ANKS1B: variants seen among roughly 807,000 people sequenced by gnomAD.
The protein encoded by ANKS1B is ankyrin repeat and sterile alpha motif domain-containing protein 1B.
ANKS1B carries 36 observed loss-of-function variants against 148.3 expected under a neutral mutation model. The observed-to-expected ratio is 0.24, with a 90% CI of 0.19 to 0.32. The LOEUF is 0.32. Among genes scored for constraint, ANKS1B ranks in the 10% least tolerant of loss-of-function variants. The pLI is 1.00. For missense variants in ANKS1B, 1,157 were observed against 1,542.6 expected, an observed-to-expected ratio of 0.75 and a Z score of 4.19; for synonymous variants, 542 against 560.8, an observed-to-expected ratio of 0.97 and a Z score of 0.47.
chr12:99,868,838 A>G (rs1347795822), intron 1 of ANKS1B, among the ~76,000 whole-genome samples: 1 of 152,084 alleles, frequency 6.6e-6, no homozygotes, highest in Non-Finnish European at 1.5e-5. Context: ...CGGGCAGATC[A>G]TTTGAGATCA....
At chr12:99,453,848 C>G (rs1016383320) in intron 10 of ANKS1B, among the ~76,000 whole-genome samples, 1 of 152,038 alleles carries the variant, frequency 6.6e-6, no homozygotes, top group African/African-American at 2.4e-5. Context: ...AATATAATTA[C>G]AAAATTGTGT....
At position 98,916,262 on chromosome 12, in the gene ANKS1B, G is replaced by A. The variant is rs182463693; in HGVS notation, c.2779-84126C>T. ...CAGACAATTGGCTAAGATCAGTCAC[G>A]ATGATGTCACAGCGGAATATACAAA... On this transcript the variant is annotated intron_variant, in intron 17 of 26. Transcript: ENST00000683438. 2.0e-5 allele frequency among the ~76,000 whole-genome samples: 3 copies of A among 152,354 alleles called. No individual in the cohort carries two copies. In the East Asian group the frequency reaches 5.8e-4, roughly 29 times the overall value.
At chr12:99,808,879 CT>C (rs1470069673) in intron 3 of ANKS1B, among the ~76,000 whole-genome samples, 1 of 152,060 alleles carries the variant, frequency 6.6e-6, no homozygotes, top group East Asian at 1.9e-4. Flanking sequence ...GAAAAATTTT[CT>C]AGTAACACCA....
intron 12 of ANKS1B, among the ~76,000 whole-genome samples, chr12:99,382,892 G>T (rs1049537576): frequency 6.6e-6 from 1 of 152,150 alleles, no homozygotes; most frequent in African/African-American, 2.4e-5. Flanking sequence ...TGAAGTCTTA[G>T]ATATATTATA....
intron 12 of ANKS1B, among the ~76,000 whole-genome samples, chr12:99,257,937 T>A (rs934139039): frequency 2.6e-5 from 4 of 152,140 alleles, no homozygotes; most frequent in Admixed American, 6.5e-5. Flanking sequence ...CTATCAGATG[T>A]TTTTAGAGAG....
chr12:99,550,573 A>G (rs1243781535), intron 9 of ANKS1B, among the ~76,000 whole-genome samples: 1 of 151,478 alleles, frequency 6.6e-6, no homozygotes, highest in Non-Finnish European at 1.5e-5. Flanking sequence ...GCAGTTAGCC[A>G]TGTTTGGGCC....
chr12:99,084,926 T>A lies in ANKS1B; in HGVS notation c.2624A>T (p.Lys875Met), dbSNP rs1470047326. The change falls in exon 16 of 27, where the codon AAG becomes ATG. Residue 875 changes from lysine (K) to methionine (M), a missense_variant and splice_region_variant. Physicochemically the swap from Lys to Met is moderately conservative, Grantham distance 95 (BLOSUM62 -1). Coordinates refer to ENST00000683438, the MANE Select transcript of ANKS1B (RefSeq NM_001352186.2). ...TAGGGCAATAAAAGTATTGCTCACC[T>A]TTGGAAGGAGCTGGATTGCCTGTAG... ...RILQAIQLLP[K>M]MRPIGHDGYH... The A allele has an allele frequency of 6.2e-7, 1 of 1,607,486 alleles. No homozygotes were observed.
At chr12:99,373,502 T>C (rs888007899) in intron 12 of ANKS1B, among the ~76,000 whole-genome samples, 1 of 152,060 alleles carries the variant, frequency 6.6e-6, no homozygotes, top group African/African-American at 2.4e-5. Flanking sequence ...GTAGATTTGG[T>C]CCAATACAGG....
intron 9 of ANKS1B, among the ~76,000 whole-genome samples, chr12:99,642,640 A>T (rs2098322044): frequency 6.6e-6 from 1 of 151,960 alleles, no homozygotes; most frequent in Non-Finnish European, 1.5e-5. Flanking sequence ...ACATGGTGAA[A>T]CCCCATCTCT....
chr12:98,937,136 AGGAT>A (rs1213697987), intron 17 of ANKS1B, among the ~76,000 whole-genome samples: 1 of 152,228 alleles, frequency 6.6e-6, no homozygotes, highest in Non-Finnish European at 1.5e-5. Context: ...AGGGATGAGC[AGGAT>A]GGTTCATTCG....
rs193081270 is a variant in ANKS1B, at chr12:99,819,218, C to T, written c.215+6091G>A. Among the ~76,000 whole-genome samples, 494 of 151,904 alleles carry T rather than the reference C, an allele frequency of 3.3e-3. 1 individual carries two copies. Among genetic ancestry groups the T allele is most frequent in the Non-Finnish European group, 5.4e-3 (363 of 67,782 alleles). On this transcript the variant is annotated intron_variant, in intron 2 of 26. Transcript: ENST00000683438. ...ATGGTCAAAAGATTTCAGGACAATA[C>T]GTCCCATTTTCTAACTGAAGTTTCT... is the stretch of plus-strand genomic sequence containing the variant.
At chr12:99,602,293 AAT>A (rs2097807119) in intron 9 of ANKS1B, among the ~76,000 whole-genome samples, 1 of 152,024 alleles carries the variant, frequency 6.6e-6, no homozygotes, top group Non-Finnish European at 1.5e-5. Flanking sequence ...CAGTCCTGAA[AAT>A]ATGTCTGTCC....
At chr12:99,312,751 A>C (rs767758761) in intron 12 of ANKS1B, among the ~76,000 whole-genome samples, 1 of 151,946 alleles carries the variant, frequency 6.6e-6, no homozygotes, top group South Asian at 2.1e-4. Flanking sequence ...GTGACATGGA[A>C]CAGGCATAGA....
At chr12:99,896,675 C>A (rs1012954865) in intron 1 of ANKS1B, among the ~76,000 whole-genome samples, 1 of 151,248 alleles carries the variant, frequency 6.6e-6, no homozygotes, top group African/African-American at 2.4e-5. Context: ...ACAATGACAT[C>A]TAGAATATTA....
chr12:99,630,322 T>C (rs2098145006), intron 9 of ANKS1B, among the ~76,000 whole-genome samples: 1 of 152,214 alleles, frequency 6.6e-6, no homozygotes, highest in African/African-American at 2.4e-5. Context: ...CAGATATCTC[T>C]GTTGTAATCA....
intron 12 of ANKS1B, among the ~76,000 whole-genome samples, chr12:99,371,303 C>T (rs752651132): frequency 6.6e-5 from 10 of 151,920 alleles, no homozygotes; most frequent in Non-Finnish European, 1.2e-4. Context: ...CTACACATGC[C>T]GCACCAGATT....
At chr12:99,711,286 T>C (rs1500667) in intron 8 of ANKS1B, among the ~76,000 whole-genome samples, 100,724 of 151,950 alleles carry the variant, frequency 0.66, 33,479 homozygotes, top group Non-Finnish European at 0.69. Context: ...ACATCACAGT[T>C]TTAATTTTTT....
rs115510275 is a variant in ANKS1B at position 99,193,481 on chromosome 12, C to T, written c.2420-39086G>A. The stretch of plus-strand genomic sequence containing the variant: ...TACATCTACACAACTGTTCATTCTT[C>T]ATTAAACTTAAGTATAAAAATACAA... On this transcript the variant is annotated intron_variant, in intron 14 of 26. Transcript: ENST00000683438. 5.7e-3 allele frequency among the ~76,000 whole-genome samples: 861 copies of T among 152,276 alleles called. 4 individuals are homozygous for T. The highest frequency in any genetic ancestry group is 0.02 in the African/African-American group (827 of 41,552).
chr12:98,807,795 A>G (rs1347027410), intron 20 of ANKS1B, 49 bp downstream of exon 20: 3 of 1,537,516 alleles, frequency 2.0e-6, no homozygotes, highest in Non-Finnish European at 2.7e-6. Flanking sequence ...TGTGCAACAC[A>G]GTACATAGCG....
Sources: allele counts gnomAD v4.1 joint callset (sites outside exome capture counted in the v4.1 genomes callset), GRCh38; gene constraint gnomAD v4.1.1; transcripts MANE v1.5; gene names NCBI Gene and HGNC (gene_info 2026-07-23, HGNC 2026-07-21).